Variants in ARHGAP8 observed in about 807,000 individuals in gnomAD.
The protein encoded by ARHGAP8 is rho GTPase-activating protein 8.
A neutral mutation model predicts 46.1 loss-of-function variants in ARHGAP8; 62 were observed. That is an observed-to-expected ratio of 1.34 (90% confidence interval 1.10 to 1.66). ARHGAP8 has a LOEUF of 1.66. Among genes scored for constraint, ARHGAP8 ranks in the 40% most tolerant of loss-of-function variants. The pLI is 0.00. For synonymous variants in ARHGAP8, 375 were observed against 243.1 expected (o/e 1.54, Z -5.05); for missense variants, 923 against 568.4 (o/e 1.62, Z -6.34).
chr22:44,836,305 A>G (rs1442120923), intron 7 of ARHGAP8, among the ~76,000 whole-genome samples: 1 of 151,802 alleles, frequency 6.6e-6, no homozygotes, highest in Non-Finnish European at 1.5e-5. Flanking sequence ...GGGCCAACTA[A>G]TGTTCCTGCC....
intron 4 of ARHGAP8, chr22:44,809,404 G>A (rs1929181884): frequency 2.8e-6 from 1 of 354,418 alleles, no homozygotes; most frequent in Non-Finnish European, 5.6e-6. Flanking sequence ...GTGAATTACT[G>A]GCAAAGAAAC....
intron 2 of ARHGAP8, among the ~76,000 whole-genome samples, chr22:44,789,238 C>G (rs1410834216): frequency 6.6e-6 from 1 of 152,038 alleles, no homozygotes; most frequent in East Asian, 1.9e-4. Context: ...CAACCTCCAG[C>G]TCCCTGGTTT....
At chr22:44,758,341 G>C (rs1269490516) in intron 1 of ARHGAP8, among the ~76,000 whole-genome samples, 1 of 152,152 alleles carries the variant, frequency 6.6e-6, no homozygotes, top group Non-Finnish European at 1.5e-5. Context: ...AGAATCGCTT[G>C]AATCCGTGTG....
chr22:44,809,743 G>A (rs567061220), intron 4 of ARHGAP8: 53 of 153,902 alleles, frequency 3.4e-4, no homozygotes, highest in Admixed American at 8.4e-4. Flanking sequence ...GGCGATGGGC[G>A]TTGATGTGGA....
chr22:44,839,291 C>G (rs1237940053), intron 7 of ARHGAP8, among the ~76,000 whole-genome samples: 1 of 152,148 alleles, frequency 6.6e-6, no homozygotes, highest in Non-Finnish European at 1.5e-5. Context: ...CAGGGCACCT[C>G]GGGGAGCTGT....
At chr22:44,845,427 C>G in intron 8 of ARHGAP8, 85 bp downstream of exon 8, 1 of 1,579,140 alleles carries the variant, frequency 6.3e-7, no homozygotes, top group South Asian at 1.1e-5. Flanking sequence ...CCTGAGCACC[C>G]ACAAGCCAGG....
intron 4 of ARHGAP8, among the ~76,000 whole-genome samples, chr22:44,814,298 G>C (rs1410542402): frequency 6.6e-6 from 1 of 152,088 alleles, no homozygotes; most frequent in Non-Finnish European, 1.5e-5. Context: ...GCCCAGGTCA[G>C]CTCCTGGCAG....
At chr22:44,819,109 C>G (rs1929953075) in intron 5 of ARHGAP8, among the ~76,000 whole-genome samples, 1 of 150,302 alleles carries the variant, frequency 6.7e-6, no homozygotes, top group Non-Finnish European at 1.5e-5. Flanking sequence ...CAGTCTGTTG[C>G]CCAGGCTGGA....
chr22:44,840,833 G>T (rs761173129), intron 7 of ARHGAP8, among the ~76,000 whole-genome samples: 15 of 152,354 alleles, frequency 9.8e-5, no homozygotes, highest in African/African-American at 3.4e-4. Context: ...GGAGAAAGGG[G>T]AAGCTCCCTG....
In ARHGAP8 at chr22:44,813,686, TACCTACACATATGTAGGTAC is replaced by T. The variant is rs905832749; in HGVS notation, c.300-976_300-957del. 4.1e-4 allele frequency among the ~76,000 whole-genome samples: 62 copies of T among 151,088 alleles called. No homozygotes were observed. In the East Asian group the frequency reaches 9.6e-3, roughly 23 times the overall value. The stretch of plus-strand genomic sequence containing the variant: ...AAATACACCTACACACCCCTAGGTA[TACCTACACATATGTAGGTAC>T]ACCTACACACACTTTCATACACTTA... On this transcript the variant is annotated intron_variant, in intron 4 of 11. Transcript: ENST00000356099.
chr22:44,858,437 G>T (rs1210018110), intron 10 of ARHGAP8, among the ~76,000 whole-genome samples: 1 of 147,562 alleles, frequency 6.8e-6, no homozygotes. Flanking sequence ...GCACCATCTC[G>T]GCTCAGTGCA....
intron 6 of ARHGAP8, among the ~76,000 whole-genome samples, chr22:44,825,182 G>T (rs2071760): frequency 0.25 from 37,500 of 151,854 alleles, 5,862 homozygotes; most frequent in Non-Finnish European, 0.33. Context: ...GGGTGGTCAC[G>T]CCCACCTTGG....
chr22:44,849,104 G>C, intron 10 of ARHGAP8, 44 bp downstream of exon 10: 2 of 1,609,980 alleles, frequency 1.2e-6, no homozygotes. Context: ...TTGGTCCTCA[G>C]ATGCTGTCCC....
intron 7 of ARHGAP8, among the ~76,000 whole-genome samples, chr22:44,836,666 G>T (rs553752197): frequency 6.6e-6 from 1 of 151,730 alleles, no homozygotes; most frequent in East Asian, 1.9e-4. Context: ...TGAGAACTTT[G>T]CAGGTCAGTG....
chr22:44,862,404 G>A lies in ARHGAP8; in HGVS notation c.1111G>A (p.Glu371Lys), dbSNP rs41278887. ...CCTTGTGCCCCTGAACATGTTCACT[G>A]AACTGCTGATCGAGTACTATGAAAA... ...SALVPLNMFT[E>K]LLIEYYEKIF... is the part of the protein sequence containing the mutation. The change falls in exon 12 of 12, where the codon GAA becomes AAA. Residue 371 changes from glutamate to lysine, a missense_variant. Glu to Lys is a moderately conservative substitution (Grantham distance 56). Transcript: ENST00000356099. The A allele has an allele frequency of 1.2e-4, 186 of 1,614,170 alleles. 4 individuals carry two copies. In the East Asian group the frequency reaches 2.0e-3, roughly 18 times the overall value.
In ARHGAP8 at chr22:44,762,004, C is replaced by T. The variant is rs78942671; in HGVS notation, c.-72+9377C>T. 1.8e-3 allele frequency among the ~76,000 whole-genome samples: 272 copies of T among 152,348 alleles called. 4 individuals are homozygous for T. In the East Asian group the frequency reaches 0.047, roughly 26 times the overall value. The stretch of plus-strand genomic sequence containing the variant: ...ATAATTCAGTTACCTCCCACCAGGT[C>T]CCTCCCATAATGTGAGAATTATGGG... On this transcript the variant is annotated intron_variant, in intron 1 of 11. Coordinates refer to ENST00000356099, the MANE Select transcript of ARHGAP8 (RefSeq NM_181335.3).
chr22:44,862,304 G>A lies in ARHGAP8; in HGVS notation c.1011G>A (p.Met337Ile), dbSNP rs1157301347. ...AVSRESIFNK[M>I]NSSNLACVFG... The stretch of plus-strand genomic sequence containing the variant: ...CCCGGGAGAGCATCTTCAACAAAAT[G>A]AACAGCTCTAACCTGGCCTGTGTCT... The change falls in exon 12 of 12, where the codon ATG becomes ATA. Residue 337 changes from methionine to isoleucine, a missense_variant. Coordinates refer to ENST00000356099, the MANE Select transcript of ARHGAP8 (RefSeq NM_181335.3). 2 of 1,601,296 alleles carry A rather than the reference G, an allele frequency of 1.2e-6. No individual in the cohort carries two copies. Among genetic ancestry groups the A allele is most frequent in the South Asian group, 1.1e-5 (1 of 90,560 alleles).
At chr22:44,849,248 C>T (rs2070037035) in intron 10 of ARHGAP8, 188 bp downstream of exon 10, 2 of 1,135,054 alleles carry the variant, frequency 1.8e-6, no homozygotes, top group Non-Finnish European at 2.4e-6. Context: ...AGCCAGTCCA[C>T]ACTGTCCAAA....
At chr22:44,859,477 G>C (rs898121175) in intron 10 of ARHGAP8, among the ~76,000 whole-genome samples, 1 of 152,144 alleles carries the variant, frequency 6.6e-6, no homozygotes. Flanking sequence ...TGCCATGCTT[G>C]TACAGCCTGT....
Sources: allele counts gnomAD v4.1 joint callset (sites outside exome capture counted in the v4.1 genomes callset), GRCh38; gene constraint gnomAD v4.1.1; transcripts MANE v1.5; gene names NCBI Gene and HGNC (gene_info 2026-07-23, HGNC 2026-07-21).